Variants in FGF13 observed in about 807,000 individuals in gnomAD.
FGF13 encodes fibroblast growth factor homologous factor 2.
Under a neutral mutation model 19.5 loss-of-function variants are expected in FGF13, and 2 were observed. That is an observed-to-expected ratio of 0.10 (90% CI 0.04 to 0.32). The LOEUF is 0.32. Among genes scored for constraint, FGF13 ranks in the 10% least tolerant of loss-of-function variants. FGF13 has a pLI of 1.00. For missense variants in FGF13, 113 were observed against 192.7 expected (o/e 0.59, Z 2.45); for synonymous variants, 72 against 76.9 (o/e 0.94, Z 0.33).
intron 1 of FGF13, among the ~76,000 whole-genome samples, chrX:138,710,258 C>A: frequency 1.1e-5 from 1 of 89,647 alleles, no homozygotes; most frequent in African/African-American, 4.0e-5. Flanking sequence ...CCCCCCTCCC[C>A]CCGCCCCAGC....
intron 1 of FGF13, among the ~76,000 whole-genome samples, chrX:139,062,825 G>C (rs765353475): frequency 8.9e-6 from 1 of 112,053 alleles, no homozygotes; most frequent in Non-Finnish European, 1.9e-5. Context: ...TACTTAGGTA[G>C]ATAGGAATAA....
intron 1 of FGF13, among the ~76,000 whole-genome samples, chrX:138,884,123 G>A (rs985143900): frequency 8.9e-6 from 1 of 111,824 alleles, no homozygotes; most frequent in Admixed American, 9.5e-5. Context: ...ATTAAGGCAA[G>A]AGACAGGGCA....
At chrX:138,962,041 A>G (rs1226143110) in intron 1 of FGF13, among the ~76,000 whole-genome samples, 2 of 112,183 alleles carry the variant, frequency 1.8e-5, no homozygotes, top group African/African-American at 3.2e-5. Flanking sequence ...AGAAACTACC[A>G]TCAGAGTGAA....
chrX:138,772,011 C>A (rs868610939), intron 3 of FGF13, among the ~76,000 whole-genome samples: 1 of 52,269 alleles, frequency 1.9e-5, no homozygotes, highest in Non-Finnish European at 3.6e-5. Context: ...TATTAAGATA[C>A]ATATGTGTAT....
Position 138,976,523 on chromosome X carries a change from A to G in FGF13, c.-112-111873T>C, listed in dbSNP as rs543070266. On this transcript the variant is annotated intron_variant, in intron 1 of 2. Coordinates refer to the FGF13 transcript ENST00000421460. Reference sequence around the variant, plus strand: ...AGCATACAAAGGCATACAGAGCAATATAATGAGCTATAAAGACTCAGAAGG... The same window carrying G: ...AGCATACAAAGGCATACAGAGCAATGTAATGAGCTATAAAGACTCAGAAGG... Among the ~76,000 whole-genome samples, 3 of 111,252 alleles carry G rather than the reference A, an allele frequency of 2.7e-5. No individual in the cohort carries two copies. In the South Asian group the frequency reaches 1.2e-3, roughly 43 times the overall value.
downstream of FGF13, among the ~76,000 whole-genome samples, chrX:138,855,148 A>G (rs1420047805): frequency 9.0e-6 from 1 of 111,661 alleles, no homozygotes; most frequent in Non-Finnish European, 1.9e-5. Flanking sequence ...TGACCAGTGA[A>G]CCCTTCCAAA....
At position 138,972,116 on chromosome X, in the gene FGF13, T is replaced by C. The variant is rs140954046; in HGVS notation, c.-112-107466A>G. Among the ~76,000 whole-genome samples, 272 of 108,476 alleles carry C rather than the reference T, an allele frequency of 2.5e-3. 2 individuals are homozygous for C. The highest frequency in any genetic ancestry group is 8.6e-3 in the African/African-American group (256 of 29,812). 94.2% of individuals were successfully genotyped at this position (108,476 alleles called of 115,157 possible). A position where few individuals can be genotyped will look rare whatever the true frequency, so the allele number is the denominator to read the frequency against. On this transcript the variant is annotated intron_variant, in intron 1 of 2. Transcript: ENST00000421460. ...TTCTCTATTCATCCATTGATGGACA[T>C]TTAAGTGGATTCCATATCTTGTCTA... is the stretch of plus-strand genomic sequence containing the variant.
chrX:139,013,789 G>A (rs60287161), intron 1 of FGF13, among the ~76,000 whole-genome samples: 1,095 of 108,416 alleles, frequency 0.01, 13 homozygotes, highest in African/African-American at 0.034. Flanking sequence ...TACACTGCTC[G>A]GGTGATGGGT....
chrX:138,742,115 T>G (rs1482225162), upstream of FGF13, among the ~76,000 whole-genome samples: 1 of 111,962 alleles, frequency 8.9e-6, no homozygotes. Flanking sequence ...TGTGACCTCC[T>G]TGGTCCCCTC....
intron 3 of FGF13, among the ~76,000 whole-genome samples, chrX:138,825,744 A>T (rs1026399011): frequency 8.9e-6 from 1 of 112,137 alleles, no homozygotes; most frequent in Non-Finnish European, 1.9e-5. Flanking sequence ...TTAAATATGT[A>T]AGCAAATGAT....
At chrX:139,125,040 C>T (rs1267248697) in intron 1 of FGF13, among the ~76,000 whole-genome samples, 2 of 111,775 alleles carry the variant, frequency 1.8e-5, no homozygotes, top group Non-Finnish European at 3.8e-5. Context: ...ATGTTTTTTG[C>T]TTCTGTCCAT....
intron 3 of FGF13, among the ~76,000 whole-genome samples, chrX:138,827,153 C>A (rs2091039942): frequency 8.9e-6 from 1 of 112,220 alleles, no homozygotes; most frequent in African/African-American, 3.2e-5. Context: ...CATTGAGAAG[C>A]AACTCCCTGG....
At chrX:139,002,381 G>A (rs1420134118) in intron 1 of FGF13, among the ~76,000 whole-genome samples, 2 of 111,202 alleles carry the variant, frequency 1.8e-5, no homozygotes, top group African/African-American at 3.3e-5. Flanking sequence ...GATGTATTGC[G>A]TTTTTAAATA....
intron 3 of FGF13, among the ~76,000 whole-genome samples, chrX:138,756,871 G>C (rs775106221): frequency 3.6e-5 from 4 of 111,296 alleles, no homozygotes; most frequent in African/African-American, 6.6e-5. Flanking sequence ...ACTCCATCTG[G>C]AACACCCTCC....
At chrX:138,917,632 C>T (rs1256598062) in intron 1 of FGF13, among the ~76,000 whole-genome samples, 1 of 112,381 alleles carries the variant, frequency 8.9e-6, no homozygotes, top group Non-Finnish European at 1.9e-5. Context: ...TAAATGATAG[C>T]TCACTTTTGG....
chrX:138,710,231 A>T (rs2090029517), intron 1 of FGF13, among the ~76,000 whole-genome samples: 1 of 109,873 alleles, frequency 9.1e-6, no homozygotes, highest in Admixed American at 9.7e-5. Flanking sequence ...AGCTCTTTGC[A>T]ACAAGGTTCT....
At chrX:138,957,046 C>T (rs1297034912) in intron 1 of FGF13, among the ~76,000 whole-genome samples, 1 of 111,122 alleles carries the variant, frequency 9.0e-6, no homozygotes, top group African/African-American at 3.3e-5. Context: ...CACGTTAGGA[C>T]ATTAGTATAT....
intron 1 of FGF13, among the ~76,000 whole-genome samples, chrX:139,084,719 A>G (rs765070959): frequency 5.3e-5 from 6 of 112,179 alleles, no homozygotes; most frequent in African/African-American, 1.9e-4. Context: ...GCTGATGTGT[A>G]TCTTATTTTA....
chrX:139,019,546 A>G (rs773356403), intron 1 of FGF13, among the ~76,000 whole-genome samples: 1 of 111,710 alleles, frequency 9.0e-6, no homozygotes, highest in Admixed American at 9.6e-5. Flanking sequence ...AAAAGACTAT[A>G]GATATGAAGG....
Sources: gnomAD v4.1 joint callset for allele counts (sites outside exome capture counted in the v4.1 genomes callset) on GRCh38, gnomAD v4.1.1 for gene constraint, MANE v1.5 for transcripts, NCBI Gene and HGNC (gene_info 2026-07-23, HGNC 2026-07-21) for gene names.